Variants in USP26 observed in about 807,000 individuals in gnomAD.
The protein encoded by USP26 is ubiquitin specific peptidase 26, also known as ubiquitin carboxyl-terminal hydrolase 26.
For synonymous variants in USP26, 236 were observed against 240.6 expected (o/e 0.98, Z 0.18); for missense variants, 649 against 642.3 (o/e 1.01, Z -0.11).
chrX:133,078,503 C>G (rs746716299), intron 5 of USP26, among the ~76,000 whole-genome samples: 1 of 111,951 alleles, frequency 8.9e-6, no homozygotes, highest in Admixed American at 9.5e-5. Flanking sequence ...CTAGGCTGAG[C>G]CCAGGTATTG....
chrX:133,061,378 A>G (rs1468103639), intron 5 of USP26, among the ~76,000 whole-genome samples: 1 of 112,493 alleles, frequency 8.9e-6, no homozygotes, highest in Non-Finnish European at 1.9e-5. Context: ...TCTCTCAATC[A>G]CTTTTAAGTA....
chrX:133,068,548 A>G (rs1289685969), intron 5 of USP26, among the ~76,000 whole-genome samples: 1 of 112,953 alleles, frequency 8.9e-6, no homozygotes, highest in East Asian at 2.8e-4. Context: ...CCTTCTCTCA[A>G]TCTTGCTTTC....
At chrX:133,080,202 G>C (rs1255427331) in intron 5 of USP26, among the ~76,000 whole-genome samples, 2 of 111,164 alleles carry the variant, frequency 1.8e-5, no homozygotes, top group Non-Finnish European at 3.8e-5. Context: ...TGTCACTATA[G>C]TTAGGCCTCA....
intron 1 of USP26, among the ~76,000 whole-genome samples, chrX:133,095,093 CAAAAAAA>C (rs35394795): frequency 5.9e-5 from 3 of 51,236 alleles, no homozygotes; most frequent in South Asian, 1.6e-3. Context: ...AGACTCTTGT[CAAAAAAA>C]AAAAAAAAAA....
At chrX:133,092,945 T>G (rs984668011) in intron 1 of USP26, among the ~76,000 whole-genome samples, 15 of 111,633 alleles carry the variant, frequency 1.3e-4, no homozygotes, top group African/African-American at 4.2e-4. Flanking sequence ...ATATATATAA[T>G]TCAAATCCAA....
chrX:133,062,099 G>A (rs1055344166), intron 5 of USP26, among the ~76,000 whole-genome samples: 1 of 111,662 alleles, frequency 9.0e-6, no homozygotes, highest in African/African-American at 3.3e-5. Context: ...CACCATTAAT[G>A]AGGCTTGAGT....
At chrX:133,038,721 A>C (rs1399594822) in intron 5 of USP26, among the ~76,000 whole-genome samples, 1 of 112,160 alleles carries the variant, frequency 8.9e-6, no homozygotes, top group Non-Finnish European at 1.9e-5. Flanking sequence ...TGTTTGGAAT[A>C]GTTTCAGAAG....
At chrX:133,049,450 A>C (rs747223552) in intron 5 of USP26, among the ~76,000 whole-genome samples, 1 of 112,225 alleles carries the variant, frequency 8.9e-6, no homozygotes, top group South Asian at 3.7e-4. Context: ...TTCCTAAAAA[A>C]CACAATTTCC....
At chrX:133,089,535 G>A (rs1360850920) in intron 4 of USP26, among the ~76,000 whole-genome samples, 1 of 111,638 alleles carries the variant, frequency 9.0e-6, no homozygotes, top group Non-Finnish European at 1.9e-5. Context: ...CCAGATTACA[G>A]GGTTGTGGTT....
At chrX:133,029,233 C>T (rs922903274) in intron 5 of USP26, among the ~76,000 whole-genome samples, 7 of 112,519 alleles carry the variant, frequency 6.2e-5, no homozygotes, top group African/African-American at 2.3e-4. Flanking sequence ...AAATATTCTT[C>T]CTGAATCTTC....
At chrX:133,053,020 A>G (rs1056132500) in intron 5 of USP26, among the ~76,000 whole-genome samples, 2 of 111,798 alleles carry the variant, frequency 1.8e-5, no homozygotes, top group African/African-American at 6.5e-5. Flanking sequence ...GTCACCAAAT[A>G]ATTTCCCAGT....
chrX:133,062,594 C>T (rs1709579578), intron 5 of USP26, among the ~76,000 whole-genome samples: 1 of 111,572 alleles, frequency 9.0e-6, no homozygotes, highest in Admixed American at 9.5e-5. Flanking sequence ...TTCTGTAGCC[C>T]CCGCTGGTAA....
At chrX:133,043,391 T>A (rs989553965) in intron 5 of USP26, among the ~76,000 whole-genome samples, 6 of 112,473 alleles carry the variant, frequency 5.3e-5, no homozygotes, top group African/African-American at 1.9e-4. Flanking sequence ...TAGTTTGGAC[T>A]TTCTGTCCAG....
At chrX:133,087,943 G>A (rs754028844) in intron 4 of USP26, among the ~76,000 whole-genome samples, 1 of 111,614 alleles carries the variant, frequency 9.0e-6, no homozygotes, top group Non-Finnish European at 1.9e-5. Context: ...ACTAAGGTGA[G>A]AGGATTGCTT....
intron 2 of USP26, 110 bp from the exon 3 acceptor site, chrX:133,090,873 G>A (rs956442689): frequency 2.7e-5 from 3 of 112,288 alleles, no homozygotes; most frequent in African/African-American, 9.7e-5. Context: ...TCATCCCACT[G>A]TACTTCTTTT....
At chrX:133,044,189 T>C (rs962525859) in intron 5 of USP26, among the ~76,000 whole-genome samples, 1 of 113,091 alleles carries the variant, frequency 8.8e-6, no homozygotes, top group Non-Finnish European at 1.9e-5. Context: ...TGACAGCTTA[T>C]GATAATGAGA....
intron 5 of USP26, among the ~76,000 whole-genome samples, chrX:133,031,152 C>T (rs772372817): frequency 4.3e-4 from 48 of 111,769 alleles, no homozygotes; most frequent in Middle Eastern, 9.2e-3. Context: ...TGAGAAATCC[C>T]GCTAAGTTAC....
chrX:133,033,176 C>A lies in USP26; in HGVS notation c.-76-4880G>T, dbSNP rs574043387. 1.4e-4 allele frequency among the ~76,000 whole-genome samples: 16 copies of A among 111,625 alleles called. No individual in the cohort carries two copies. In the South Asian group the frequency reaches 6.1e-3, roughly 43 times the overall value. ...GGTCAACACATCAAGAGACACACTG[C>A]CTCTAGAGCATTAGCAATTAAATCC... is the stretch of plus-strand genomic sequence containing the variant. On this transcript the variant is annotated intron_variant, in intron 5 of 5. Coordinates refer to ENST00000511190, the MANE Select transcript of USP26 (RefSeq NM_031907.3).
intron 1 of USP26, among the ~76,000 whole-genome samples, chrX:133,094,773 T>A (rs1223912039): frequency 9.0e-6 from 1 of 111,591 alleles, no homozygotes; most frequent in African/African-American, 3.3e-5. Context: ...TCAGGCAAAT[T>A]AGCAATGTGT....
Sources: allele counts gnomAD v4.1 joint callset (sites outside exome capture counted in the v4.1 genomes callset), GRCh38; gene constraint gnomAD v4.1.1; transcripts MANE v1.5; gene names NCBI Gene and HGNC (gene_info 2026-07-23, HGNC 2026-07-21).